Variants in KHDRBS2 observed in about 807,000 individuals in gnomAD.
KHDRBS2 encodes KH RNA binding domain containing, signal transduction associated 2.
A neutral mutation model predicts 44.3 loss-of-function variants in KHDRBS2; 26 were observed. That is an observed-to-expected ratio of 0.59 (90% CI 0.43 to 0.81). The LOEUF is 0.81. Ranked by LOEUF, KHDRBS2 falls within the 40% of genes least tolerant of loss-of-function variation. The pLI is 0.00. For missense variants in KHDRBS2, 476 were observed against 433.1 expected, an observed-to-expected ratio of 1.10 and a Z score of -0.88; for synonymous variants, 194 against 151.1, an observed-to-expected ratio of 1.28 and a Z score of -2.08.
At chr6:62,182,096 G>C (rs1023136878) in intron 1 of KHDRBS2, among the ~76,000 whole-genome samples, 5 of 151,956 alleles carry the variant, frequency 3.3e-5, no homozygotes, top group African/African-American at 1.2e-4. Flanking sequence ...AAACCTACTG[G>C]ATCTTGGAAT....
chr6:61,632,135 T>C, the KHDRBS2 span, among the ~76,000 whole-genome samples: 1 of 152,166 alleles, frequency 6.6e-6, no homozygotes, highest in African/African-American at 2.4e-5. Context: ...TAAAAGAAGA[T>C]AGGACTATGT....
Position 61,993,675 on chromosome 6 carries a change from T to TATATATATATATATATATATATATA in KHDRBS2, c.337-15464_337-15463insTATATATATATATATATATATATAT, listed in dbSNP as rs61137285. The stretch of plus-strand genomic sequence containing the variant: ...CATATATATATATATATATATATAT[T>TATATATATATATATATATATATATA]TTTTTTTTTTGATGTGAGCTTATAT... On this transcript the variant is annotated intron_variant, in intron 3 of 8. Transcript: ENST00000281156. Among the ~76,000 whole-genome samples, 18 of 74,928 alleles carry TATATATATATATATATATATATATA rather than the reference T, an allele frequency of 2.4e-4. 1 individual carries two copies. Among genetic ancestry groups the TATATATATATATATATATATATATA allele is most frequent in the African/African-American group, 2.4e-4 (6 of 25,174 alleles). 49.2% of individuals were successfully genotyped at this position (74,928 alleles called of 152,430 possible). A position where few individuals can be genotyped will look rare whatever the true frequency, so the allele number is the denominator to read the frequency against.
chr6:61,749,221 G>A (rs960671881), intron 6 of KHDRBS2, among the ~76,000 whole-genome samples: 1 of 151,740 alleles, frequency 6.6e-6, no homozygotes, highest in African/African-American at 2.4e-5. Context: ...CGCCGTGTTA[G>A]CCAGGATGAT....
chr6:62,244,097 T>C (rs1835134975), intron 1 of KHDRBS2, among the ~76,000 whole-genome samples: 1 of 152,194 alleles, frequency 6.6e-6, no homozygotes, highest in South Asian at 2.1e-4. Context: ...GCTCCTGTCA[T>C]CTGCTACTTT....
intron 2 of KHDRBS2, among the ~76,000 whole-genome samples, chr6:62,091,006 G>A (rs1290605770): frequency 1.3e-5 from 2 of 152,138 alleles, no homozygotes; most frequent in African/African-American, 4.8e-5. Context: ...ACCTATGGGT[G>A]ACACTGTAAT....
chr6:62,023,304 C>T (rs151304377), intron 3 of KHDRBS2, among the ~76,000 whole-genome samples: 2,443 of 151,662 alleles, frequency 0.016, 29 homozygotes, highest in Middle Eastern at 0.061. Context: ...CTTTGTGATT[C>T]ATTACAAAAT....
chr6:62,085,870 A>G (rs1376573027), intron 2 of KHDRBS2, among the ~76,000 whole-genome samples: 1 of 152,132 alleles, frequency 6.6e-6, no homozygotes, highest in African/African-American at 2.4e-5. Flanking sequence ...TTACTTGAAT[A>G]AAGTTAGGGT....
the KHDRBS2 span, among the ~76,000 whole-genome samples, chr6:61,589,638 C>T: frequency 3.3e-5 from 5 of 152,104 alleles, no homozygotes; most frequent in Non-Finnish European, 7.3e-5. Context: ...AAACTGTGGA[C>T]TGGATAGGAA....
intron 7 of KHDRBS2, among the ~76,000 whole-genome samples, chr6:61,707,174 G>C (rs982236973): frequency 1.3e-5 from 2 of 151,634 alleles, no homozygotes; most frequent in African/African-American, 2.4e-5. Flanking sequence ...AAGGCATTGA[G>C]GGAGGGGTGT....
chr6:61,581,029 G>A, the KHDRBS2 span, among the ~76,000 whole-genome samples: 4 of 152,128 alleles, frequency 2.6e-5, no homozygotes, highest in African/African-American at 7.2e-5. Flanking sequence ...TTAAATCTAC[G>A]TTATCAGGTT....
At chr6:61,762,738 G>A (rs555988975) in intron 6 of KHDRBS2, among the ~76,000 whole-genome samples, 11 of 152,228 alleles carry the variant, frequency 7.2e-5, no homozygotes, top group Admixed American at 2.0e-4. Context: ...AGTCAGTAAC[G>A]GCATGGTTTC....
At chr6:62,093,374 T>C (rs543865562) in intron 2 of KHDRBS2, among the ~76,000 whole-genome samples, 1 of 152,158 alleles carries the variant, frequency 6.6e-6, no homozygotes, top group South Asian at 2.1e-4. Context: ...ATAATAATTA[T>C]ACATATTTGT....
At chr6:61,756,460 A>C (rs1338852260) in intron 6 of KHDRBS2, among the ~76,000 whole-genome samples, 9 of 152,056 alleles carry the variant, frequency 5.9e-5, no homozygotes, top group Non-Finnish European at 8.8e-5. Context: ...GGGTTTCGCC[A>C]TGTTGACCAG....
intron 4 of KHDRBS2, among the ~76,000 whole-genome samples, chr6:61,918,068 A>G (rs1411515348): frequency 6.6e-6 from 1 of 151,972 alleles, no homozygotes; most frequent in African/African-American, 2.4e-5. Flanking sequence ...GAAGTATTGG[A>G]GGATTATTAC....
At chr6:62,141,998 A>G (rs1277560232) in intron 2 of KHDRBS2, among the ~76,000 whole-genome samples, 1 of 152,108 alleles carries the variant, frequency 6.6e-6, no homozygotes, top group Non-Finnish European at 1.5e-5. Context: ...AAACTCACCA[A>G]AAGTAGAGGA....
Position 61,738,813 on chromosome 6 carries a change from T to C in KHDRBS2, c.811-6049A>G, listed in dbSNP as rs571622936. The stretch of plus-strand genomic sequence containing the variant: ...GCTTATTATTGAACTATGATTTCTA[T>C]TCCAATTTTAGGTTGTCAAATCTAA... On this transcript the variant is annotated intron_variant, in intron 6 of 8. Transcript: ENST00000281156. Among the ~76,000 whole-genome samples the C allele has an allele frequency of 5.1e-4, 78 of 152,080 alleles. 1 individual carries two copies. The South Asian group carries it at 0.015, about 29-fold the overall frequency.
intron 3 of KHDRBS2, among the ~76,000 whole-genome samples, chr6:62,008,500 T>C (rs1779685609): frequency 6.6e-6 from 1 of 152,202 alleles, no homozygotes; most frequent in Non-Finnish European, 1.5e-5. Context: ...GTCTACAGAT[T>C]TGAAGTATAA....
the KHDRBS2 span, among the ~76,000 whole-genome samples, chr6:61,546,633 A>T: frequency 2.6e-5 from 4 of 152,156 alleles, no homozygotes; most frequent in Non-Finnish European, 5.9e-5. Flanking sequence ...ATAAAAAACA[A>T]GTAAGATAAT....
At chr6:61,689,246 CTCTT>C (rs937938020) in intron 8 of KHDRBS2, among the ~76,000 whole-genome samples, 9 of 151,938 alleles carry the variant, frequency 5.9e-5, no homozygotes, top group African/African-American at 2.2e-4. Flanking sequence ...ATGTGTCTCT[CTCTT>C]TGACTGGTTT....
Sources: gnomAD v4.1 joint callset for allele counts (sites outside exome capture counted in the v4.1 genomes callset) on GRCh38, gnomAD v4.1.1 for gene constraint, MANE v1.5 for transcripts, NCBI Gene and HGNC (gene_info 2026-07-23, HGNC 2026-07-21) for gene names.